GTF3C3: variants seen among roughly 807,000 people sequenced by gnomAD.
GTF3C3 encodes general transcription factor 3C polypeptide 3.
A neutral mutation model predicts 105.2 loss-of-function variants in GTF3C3; 75 were observed. The observed-to-expected ratio is 0.71, with a 90% CI of 0.59 to 0.86. The LOEUF (loss-of-function observed/expected upper bound fraction) is 0.86. Ranked by LOEUF, GTF3C3 falls within the 40% of genes least tolerant of loss-of-function variation. The pLI, the probability that GTF3C3 is intolerant of heterozygous loss-of-function variation, is 0.00. For synonymous variants in GTF3C3, 335 were observed against 370.4 expected (o/e 0.90, Z 1.10); for missense variants, 856 against 1,076.5 (o/e 0.80, Z 2.87).
In GTF3C3 at chr2:196,763,763, TAATA is replaced by T. The variant is rs1188247701; in HGVS notation, c.*796_*799del. On this transcript the variant is annotated 3_prime_UTR_variant, in exon 18 of 18. Transcript: ENST00000263956. ...CTGTTAACTTAAATTCAAGAACATATAATAAATAGTGGAGATGAGTAAACAAACA... is the reference window on the plus strand; with the variant it reads ...CTGTTAACTTAAATTCAAGAACATATAATAGTGGAGATGAGTAAACAAACA... 1 of 152,200 alleles carries T rather than the reference TAATA, an allele frequency of 6.6e-6. No homozygotes were observed. Among genetic ancestry groups the T allele is most frequent in the African/African-American group, 2.4e-5 (1 of 41,450 alleles). The allele number at this position is 152,200 out of a possible 1,614,324, so 9.4% of individuals were successfully genotyped here.
intron 8 of GTF3C3, 21 bp downstream of exon 8, chr2:196,784,836 C>G (rs1559302908): frequency 6.2e-7 from 1 of 1,600,458 alleles, no homozygotes; most frequent in Non-Finnish European, 8.5e-7. Context: ...ATACACTTTC[C>G]TAAGCAGAGG....
At position 196,789,301 on chromosome 2, in the gene GTF3C3, C is replaced by G. The variant is rs1252205661; in HGVS notation, c.796G>C (p.Asp266His). The G allele has an allele frequency of 6.2e-7, 1 of 1,613,280 alleles. No homozygotes were observed. The highest frequency in any genetic ancestry group is 8.5e-7 in the Non-Finnish European group (1 of 1,179,410). Residue 266 changes from aspartate to histidine, a missense_variant, in exon 6 of 18, where the codon GAT (aspartate) becomes CAT (histidine). Around this residue, in one of 3 missense-constraint regions of GTF3C3, gnomAD observed 605 missense variants for 833.6 expected, o/e 0.73. Coordinates refer to ENST00000263956, the MANE Select transcript of GTF3C3 (RefSeq NM_012086.5). ...ERSSLYEQMG[D>H]HKMAMDGYRR... ...TAACCATCCATGGCCATTTTATGAT[C>G]ACCCATCTGTTCATAAAGGCTTGAT...
intron 3 of GTF3C3, among the ~76,000 whole-genome samples, chr2:196,792,384 C>T (rs935366098): frequency 2.0e-5 from 3 of 152,120 alleles, no homozygotes; most frequent in African/African-American, 7.2e-5. Context: ...TGGTCTCCAA[C>T]TCCTGAGCAC....
intron 13 of GTF3C3, among the ~76,000 whole-genome samples, chr2:196,774,020 A>C (rs1192685835): frequency 6.6e-6 from 1 of 152,244 alleles, no homozygotes; most frequent in Non-Finnish European, 1.5e-5. Context: ...TTTGCTCAGC[A>C]AAATACTTCA....
At chr2:196,782,302 G>T (rs1699380310) in intron 8 of GTF3C3, among the ~76,000 whole-genome samples, 1 of 152,182 alleles carries the variant, frequency 6.6e-6, no homozygotes, top group Non-Finnish European at 1.5e-5. Context: ...CCAGAACTGT[G>T]AGCAATAAAT....
At chr2:196,770,773 A>G (rs1206591703) in intron 15 of GTF3C3, among the ~76,000 whole-genome samples, 1 of 152,214 alleles carries the variant, frequency 6.6e-6, no homozygotes, top group Non-Finnish European at 1.5e-5. Flanking sequence ...CTTAGGCAGC[A>G]AAGATGGTAG....
chr2:196,767,600 G>A (rs1699090189), intron 16 of GTF3C3, among the ~76,000 whole-genome samples: 1 of 152,016 alleles, frequency 6.6e-6, no homozygotes, highest in South Asian at 2.1e-4. Flanking sequence ...CATTTTAGGG[G>A]TAGTAATACT....
Position 196,789,297 on chromosome 2 carries a change from T to C in GTF3C3, c.800A>G (p.His267Arg). 6.2e-7 allele frequency: 1 copy of C among 1,613,622 alleles called. No homozygotes were observed. Among genetic ancestry groups the C allele is most frequent in the South Asian group, 1.1e-5 (1 of 91,026 alleles). ...RSSLYEQMGD[H>R]KMAMDGYRRI... ...CCTATAACCATCCATGGCCATTTTA[T>C]GATCACCCATCTGTTCATAAAGGCT... The change falls in exon 6 of 18, where the codon CAT (histidine) becomes CGT (arginine). Residue 267 changes from histidine (H) to arginine (R), a missense_variant. Transcript: ENST00000263956.
intron 1 of GTF3C3, chr2:196,799,160 C>G: frequency 4.8e-6 from 1 of 209,774 alleles, no homozygotes; most frequent in Non-Finnish European, 9.6e-6. Context: ...CCCACCGTCA[C>G]AAAACGACTT....
At chr2:196,765,582 TATAC>T (rs760048380) in intron 17 of GTF3C3, among the ~76,000 whole-genome samples, 15 of 149,984 alleles carry the variant, frequency 1.0e-4, no homozygotes, top group East Asian at 9.7e-4. Flanking sequence ...TATTTTTATA[TATAC>T]ATATGCATAT....
At chr2:196,780,874 T>C (rs372253224) in intron 8 of GTF3C3, 102 of 410,144 alleles carry the variant, frequency 2.5e-4, no homozygotes, top group African/African-American at 1.9e-3. Context: ...TATGTACTTA[T>C]CCAAAACTTA....
chr2:196,764,697 A>AAGAT lies in GTF3C3; in HGVS notation c.2539-16_2539-13dup, dbSNP rs775133612. ...TCAAGTTCTATACCCTAGGGAGAAA[A>AAGAT]AGATACCTTTATGTTTAATATTTCC... is the stretch of plus-strand genomic sequence containing the variant. On this transcript the variant is annotated splice_polypyrimidine_tract_variant and intron_variant, in intron 17 of 17. Coordinates refer to ENST00000263956, the MANE Select transcript of GTF3C3 (RefSeq NM_012086.5). 27 of 1,602,820 alleles carry AAGAT rather than the reference A, an allele frequency of 1.7e-5. No individual in the cohort carries two copies. The highest frequency in any genetic ancestry group is 1.5e-4 in the Admixed American group (9 of 58,358).
chr2:196,765,525 A>G (rs1699045257), intron 17 of GTF3C3, among the ~76,000 whole-genome samples: 1 of 150,864 alleles, frequency 6.6e-6, no homozygotes, highest in Admixed American at 6.6e-5. Flanking sequence ...GTTTTTATAC[A>G]TATAAAAATA....
chr2:196,780,340 ATTG>A, intron 9 of GTF3C3: 2 of 1,174,882 alleles, frequency 1.7e-6, no homozygotes. Context: ...TGATCTTTAG[ATTG>A]TTATTTTAAA....
chr2:196,771,424 A>C (rs1699173511), intron 15 of GTF3C3, among the ~76,000 whole-genome samples: 1 of 152,226 alleles, frequency 6.6e-6, no homozygotes, highest in African/African-American at 2.4e-5. Flanking sequence ...ATTTTATAAG[A>C]CCTGTGTCAG....
At chr2:196,784,308 G>A (rs1699416993) in intron 8 of GTF3C3, among the ~76,000 whole-genome samples, 1 of 152,114 alleles carries the variant, frequency 6.6e-6, no homozygotes, top group African/African-American at 2.4e-5. Flanking sequence ...GCTACAACTT[G>A]ATGTAGGGTC....
In GTF3C3 at chr2:196,766,583, G is replaced by A; in HGVS notation, c.2520C>T (p.Leu840=). 5 of 1,609,566 alleles carry A rather than the reference G, an allele frequency of 3.1e-6. No individual in the cohort carries two copies. The highest frequency in any genetic ancestry group is 4.2e-6 in the Non-Finnish European group (5 of 1,177,252). Residue 840 remains leucine, a synonymous_variant, in exon 17 of 18, where the codon CTC becomes CTT. Coordinates refer to ENST00000263956, the MANE Select transcript of GTF3C3 (RefSeq NM_012086.5). ...ACAATACCTCTACCACAAGTGGAGG[G>A]AGCTCCAGGGCCTTCTGATAATAGT... ...AIHYYQKALE[L]PPLVVEGIEL...
At chr2:196,785,034 G>C (rs576510207) in intron 7 of GTF3C3, 105 bp from the exon 8 acceptor site, 79 of 733,916 alleles carry the variant, frequency 1.1e-4, no homozygotes, top group Non-Finnish European at 1.5e-4. Context: ...TATAAAGTTG[G>C]GCTATAAAAA....
intron 2 of GTF3C3, among the ~76,000 whole-genome samples, chr2:196,796,826 T>A (rs1020340317): frequency 6.6e-6 from 1 of 152,192 alleles, no homozygotes; most frequent in Non-Finnish European, 1.5e-5. Flanking sequence ...ACTCCATCCA[T>A]GTCCCTGCAA....
Sources: gnomAD v4.1 joint callset for allele counts (sites outside exome capture counted in the v4.1 genomes callset) on GRCh38, gnomAD v4.1.1 for gene constraint, gnomAD v4.1.1 regional missense constraint, MANE v1.5 for transcripts, NCBI Gene and HGNC (gene_info 2026-07-23, HGNC 2026-07-21) for gene names.